The following SHCBP1 variants were observed in gnomAD, a reference collection of about 807,000 sequenced individuals.
SHCBP1 encodes the protein SHC SH2 domain-binding protein 1.
Under a neutral mutation model 75.1 loss-of-function variants are expected in SHCBP1, and 60 were observed. The observed-to-expected ratio is 0.80, with a 90% CI of 0.65 to 0.99. SHCBP1 has a LOEUF of 0.99. SHCBP1 is among the 50% of genes least tolerant of loss of function. The probability of loss-of-function intolerance (pLI) is 0.00; values close to 1 mark genes in which losing one functional copy is unlikely to be tolerated. For synonymous variants in SHCBP1, 290 were observed against 293.2 expected (o/e 0.99, Z 0.11); for missense variants, 709 against 809.4 (o/e 0.88, Z 1.50).
At chr16:46,618,959 G>A (rs987495965) in intron 1 of SHCBP1, among the ~76,000 whole-genome samples, 1 of 152,200 alleles carries the variant, frequency 6.6e-6, no homozygotes, top group Non-Finnish European at 1.5e-5. Flanking sequence ...CTTTAAGAAA[G>A]GGAGCTGACT....
In SHCBP1 at chr16:46,578,874, G is replaced by T. The variant is rs1479966924; in HGVS notation, c.*2855C>A. Among the ~76,000 whole-genome samples the T allele has an allele frequency of 6.6e-6, 1 of 152,096 alleles. No individual in the cohort carries two copies. The highest frequency in any genetic ancestry group is 6.5e-5 in the Admixed American group (1 of 15,272). ...ATTACAAAGAAACATGAACGACACG[G>T]TTCTTATGAGCTCATCAGTGTTCTA... On this transcript the variant is annotated 3_prime_UTR_variant, in exon 13 of 13. Transcript: ENST00000303383.
intron 4 of SHCBP1, among the ~76,000 whole-genome samples, chr16:46,610,020 G>A (rs553914277): frequency 4.1e-4 from 61 of 150,374 alleles, no homozygotes; most frequent in Non-Finnish European, 6.9e-4. Context: ...GTGCGATCTC[G>A]TCTCACTGGA....
chr16:46,591,785 A>T (rs1965051763), intron 10 of SHCBP1, among the ~76,000 whole-genome samples: 1 of 152,186 alleles, frequency 6.6e-6, no homozygotes, highest in South Asian at 2.1e-4. Flanking sequence ...ATATAAAAGA[A>T]TTAAAATCAT....
intron 4 of SHCBP1, among the ~76,000 whole-genome samples, chr16:46,609,044 G>C (rs1245341598): frequency 6.6e-6 from 1 of 152,148 alleles, no homozygotes; most frequent in African/African-American, 2.4e-5. Flanking sequence ...AAAGCTCCAG[G>C]GAAAGGTCAG....
At position 46,581,708 on chromosome 16, in the gene SHCBP1, T is replaced by A; in HGVS notation, c.*21A>T. On this transcript the variant is annotated 3_prime_UTR_variant, in exon 13 of 13. Transcript: ENST00000303383. ...GCATGTGCAAAATCCAGTATTTTGC[T>A]ATCTACTTACATCACTGTAGTCAGA... is the stretch of plus-strand genomic sequence containing the variant. 6.3e-7 allele frequency: 1 copy of A among 1,594,600 alleles called. No individual in the cohort carries two copies. Among genetic ancestry groups the A allele is most frequent in the Non-Finnish European group, 8.6e-7 (1 of 1,167,790 alleles).
intron 11 of SHCBP1, 135 bp downstream of exon 11, chr16:46,583,868 A>G (rs1185269718): frequency 1.1e-6 from 1 of 905,058 alleles, no homozygotes. Context: ...GATTCCAATC[A>G]CTGATATTAT....
chr16:46,612,129 T>G (rs561083185), intron 4 of SHCBP1, among the ~76,000 whole-genome samples: 1 of 152,254 alleles, frequency 6.6e-6, no homozygotes, highest in Admixed American at 6.5e-5. Context: ...AGACACCAGC[T>G]GAACAGTGGT....
chr16:46,608,590 G>A (rs907654846), intron 4 of SHCBP1, among the ~76,000 whole-genome samples: 1 of 139,840 alleles, frequency 7.2e-6, no homozygotes, highest in African/African-American at 2.6e-5. Context: ...TCTCCACACT[G>A]GTTTTGTTAG....
At chr16:46,610,193 C>T (rs1029320776) in intron 4 of SHCBP1, among the ~76,000 whole-genome samples, 1 of 152,096 alleles carries the variant, frequency 6.6e-6, no homozygotes, top group Non-Finnish European at 1.5e-5. Flanking sequence ...AGGCAACCCA[C>T]CCACTTCAGT....
At position 46,621,356 on chromosome 16, in the gene SHCBP1, C is replaced by G. The variant is rs1218092183; in HGVS notation, c.4G>C (p.Ala2Pro). 1 of 1,610,862 alleles carries G rather than the reference C, an allele frequency of 6.2e-7. No homozygotes were observed. The highest frequency in any genetic ancestry group is 8.5e-7 in the Non-Finnish European group (1 of 1,178,738). M[A>P]DGSLTGGGLE... ...CCGCCGCCCGTCAGCGACCCGTCAGCCATTTCAAATTTCCGCGGACGGCAG... is the reference window on the plus strand; with the variant it reads ...CCGCCGCCCGTCAGCGACCCGTCAGGCATTTCAAATTTCCGCGGACGGCAG... Residue 2 changes from alanine to proline, a missense_variant, in exon 1 of 13, where the codon GCT becomes CCT. By Grantham distance (27) the Ala-to-Pro change is conservative. Transcript: ENST00000303383.
Position 46,584,037 on chromosome 16 carries a change from C to T in SHCBP1, c.1517G>A (p.Gly506Glu), listed in dbSNP as rs375325538. Residue 506 changes from glycine to glutamate, a missense_variant, in exon 11 of 13, where the codon GGG (glycine) becomes GAG (glutamate). Gly to Glu is a moderately conservative substitution (Grantham distance 98). Coordinates refer to ENST00000303383, the MANE Select transcript of SHCBP1 (RefSeq NM_024745.5). ...PGSQCTLSDN[G>E]IHHCKEGILI... ...GATCCCTTCCTTGCAGTGATGGATC[C>T]CATTGTCACTCAGGGTGCACTGACT... 1.4e-4 allele frequency: 232 copies of T among 1,607,312 alleles called. No homozygotes were observed. In the Middle Eastern group the frequency reaches 5.5e-3, roughly 38 times the overall value.
At chr16:46,585,271 G>C (rs1046254960) in intron 10 of SHCBP1, among the ~76,000 whole-genome samples, 1 of 152,088 alleles carries the variant, frequency 6.6e-6, no homozygotes, top group African/African-American at 2.4e-5. Context: ...AAGTAACTGA[G>C]GAGCCTGCCA....
chr16:46,615,752 TA>T (rs1393425582), intron 4 of SHCBP1, among the ~76,000 whole-genome samples, 193 bp downstream of exon 4: 1 of 150,450 alleles, frequency 6.6e-6, no homozygotes. Flanking sequence ...AATTAAAAAA[TA>T]AAAAAAAAGA....
chr16:46,595,705 G>A, intron 9 of SHCBP1, 35 bp from the exon 10 acceptor site: 8 of 1,514,910 alleles, frequency 5.3e-6, no homozygotes, highest in Non-Finnish European at 7.3e-6. Flanking sequence ...GTTTTAAGAA[G>A]TAATGTGCCT....
chr16:46,605,862 A>G (rs1965318398), intron 5 of SHCBP1, among the ~76,000 whole-genome samples: 1 of 152,202 alleles, frequency 6.6e-6, no homozygotes, highest in South Asian at 2.1e-4. Flanking sequence ...TGAATAAAAA[A>G]GAAACTTTTC....
chr16:46,581,976 C>T lies in SHCBP1; in HGVS notation c.1772G>A (p.Cys591Tyr). The T allele has an allele frequency of 6.2e-7, 1 of 1,614,214 alleles. No individual in the cohort carries two copies. Among genetic ancestry groups the T allele is most frequent in the South Asian group, 1.1e-5 (1 of 91,084 alleles). The change falls in exon 13 of 13, where the codon TGT becomes TAT. Residue 591 changes from cysteine to tyrosine, a missense_variant. By Grantham distance (194) the Cys-to-Tyr change is radical. Coordinates refer to ENST00000303383, the MANE Select transcript of SHCBP1 (RefSeq NM_024745.5). ...ACAAAGCTCCATTTTACCAGTTGCACACTCAATCAGCTCTTCTAGATCCAC... is the reference window on the plus strand; with the variant it reads ...ACAAAGCTCCATTTTACCAGTTGCATACTCAATCAGCTCTTCTAGATCCAC... The part of the protein sequence containing the change: ...ERVDLEELIE[C>Y]ATGKMELCAR...
chr16:46,618,263 G>A lies in SHCBP1; in HGVS notation c.213C>T (p.Phe71=). 6 of 1,613,318 alleles carry A rather than the reference G, an allele frequency of 3.7e-6. No homozygotes were observed. Among genetic ancestry groups the A allele is most frequent in the Non-Finnish European group, 5.1e-6 (6 of 1,179,798 alleles). The change falls in exon 2 of 13, where the codon TTC becomes TTT. Residue 71 remains phenylalanine (F), a synonymous_variant. Transcript: ENST00000303383. ...CATAGAACAAAAGTTGATTTGTTTG[G>A]AAAATTTCTGGGAAAAAGGTTTTTC... is the stretch of plus-strand genomic sequence containing the variant. ...PEGKTFFPEI[F]QTNQLLFYER...
chr16:46,621,288 C>T lies in SHCBP1; in HGVS notation c.72G>A (p.Ala24=), dbSNP rs760269779. 7.5e-6 allele frequency: 12 copies of T among 1,610,542 alleles called. No individual in the cohort carries two copies. The African/African-American group carries it at 1.6e-4, about 22-fold the overall frequency. ...AAMAPERMGW[A]VEQELASLEK... is the part of the protein sequence containing the mutation. The stretch of plus-strand genomic sequence containing the variant: ...CCAGAGACGCCAGCTCCTGCTCCAC[C>T]GCCCAGCCCATGCGCTCCGGCGCCA... Residue 24 remains alanine, a synonymous_variant, in exon 1 of 13, where the codon GCG becomes GCA. Coordinates refer to ENST00000303383, the MANE Select transcript of SHCBP1 (RefSeq NM_024745.5).
At chr16:46,588,600 C>A (rs1205685035) in intron 10 of SHCBP1, among the ~76,000 whole-genome samples, 1 of 152,172 alleles carries the variant, frequency 6.6e-6, no homozygotes, top group Non-Finnish European at 1.5e-5. Context: ...TCAACACATA[C>A]ACCCTCCCAA....
Sources: gnomAD v4.1 joint callset for allele counts (sites outside exome capture counted in the v4.1 genomes callset) on GRCh38, gnomAD v4.1.1 for gene constraint, MANE v1.5 for transcripts, NCBI Gene and HGNC (gene_info 2026-07-23, HGNC 2026-07-21) for gene names.